The following RFNG variants were observed in gnomAD, a reference collection of about 807,000 sequenced individuals.
RFNG encodes the protein beta-1,3-N-acetylglucosaminyltransferase radical fringe.
Under a neutral mutation model 29.6 loss-of-function variants are expected in RFNG, and 37 were observed. The observed-to-expected ratio is 1.25, with a 90% CI of 0.96 to 1.65. The LOEUF is 1.65. Ranked by LOEUF, RFNG falls within the 40% of genes most tolerant of loss-of-function variation. The pLI, the probability that RFNG is intolerant of heterozygous loss-of-function variation, is 0.00. For synonymous variants in RFNG, 276 were observed against 197.3 expected (o/e 1.40, Z -3.34); for missense variants, 546 against 457.0 (o/e 1.19, Z -1.78).
At position 82,051,258 on chromosome 17, in the gene RFNG, A is replaced by C; in HGVS notation, c.316+36T>G. 7.4e-7 allele frequency: 1 copy of C among 1,345,730 alleles called. No individual in the cohort carries two copies. The highest frequency in any genetic ancestry group is 9.6e-7 in the Non-Finnish European group (1 of 1,045,712). 83.4% of individuals were successfully genotyped at this position (1,345,730 alleles called of 1,614,324 possible). On this transcript the variant is annotated intron_variant, in intron 2 of 7. Coordinates refer to ENST00000310496, the MANE Select transcript of RFNG (RefSeq NM_002917.2). The surrounding 1 kb of genome is among the most constrained non-coding windows in gnomAD (Gnocchi z 4.1). ...TCGGAGCGAGAAAGGCTCGGGGGGC[A>C]GATCCCGCGGGCGCCGGGGAGTGGG...
In RFNG at chr17:82,049,747, A is replaced by G; in HGVS notation, c.758T>C (p.Leu253Pro). Reference sequence around the variant, plus strand: ...GTGAGAGTGGAAGAGGGGGCTGTGCAGCAGGCGGGCGCCCAGGAGCCCCTC... The same window carrying G: ...GTGAGAGTGGAAGAGGGGGCTGTGCGGCAGGCGGGCGCCCAGGAGCCCCTC... ...IVEGLLGARL[L>P]HSPLFHSHLE... is the part of the protein sequence containing the mutation. The change falls in exon 6 of 8, where the codon CTG becomes CCG. Residue 253 changes from leucine (L) to proline (P), a missense_variant. Coordinates refer to ENST00000310496, the MANE Select transcript of RFNG (RefSeq NM_002917.2). 2.0e-6 allele frequency: 3 copies of G among 1,520,468 alleles called. No individual in the cohort carries two copies. The highest frequency in any genetic ancestry group is 2.3e-5 in the East Asian group (1 of 44,108). 94.2% of individuals were successfully genotyped at this position (1,520,468 alleles called of 1,614,324 possible). A position where few individuals can be genotyped will look rare whatever the true frequency, so the allele number is the denominator to read the frequency against.
At position 82,049,989 on chromosome 17, in the gene RFNG, G is replaced by A. The variant is rs536255282; in HGVS notation, c.591C>T (p.Phe197=). The A allele has an allele frequency of 1.2e-6, 2 of 1,611,660 alleles. No individual in the cohort carries two copies. Among genetic ancestry groups the A allele is most frequent in the South Asian group, 1.1e-5 (1 of 90,742 alleles). The change falls in exon 5 of 8, where the codon TTC becomes TTT. Residue 197 remains phenylalanine, a synonymous_variant. Transcript: ENST00000310496. The stretch of plus-strand genomic sequence containing the variant: ...ACCCGGCCCCACCAGTAGCAAACCA[G>A]AACTTGACCGTGGTCACCTGAAGAT... ...QGGRTVTTVK[F]WFATGGAGFC...
chr17:82,050,866 G>C, intron 2 of RFNG, 102 bp from the exon 3 acceptor site: 1 of 1,439,636 alleles, frequency 6.9e-7, no homozygotes, highest in Admixed American at 2.0e-5. Context: ...CAACGTGGCT[G>C]TCTGACATGC....
At position 82,051,088 on chromosome 17, in the gene RFNG, T is replaced by A. The variant is rs1046289141; in HGVS notation, c.316+206A>T. 7.3e-7 allele frequency: 1 copy of A among 1,366,812 alleles called. No homozygotes were observed. The highest frequency in any genetic ancestry group is 2.8e-5 in the East Asian group (1 of 35,482). The allele number at this position is 1,366,812 out of a possible 1,614,324, so 84.7% of individuals were successfully genotyped here. A position where few individuals can be genotyped will look rare whatever the true frequency, so the allele number is the denominator to read the frequency against. ...CTAGCCCCACGCCCCGGGAAGCGGC[T>A]AGTGTGAGAGGCTGGTGGGGAGCAG... On this transcript the variant is annotated intron_variant, in intron 2 of 7. Transcript: ENST00000310496. This position sits in a 1 kb window ranked among gnomAD's most constrained non-coding sequence, Gnocchi z 4.1.
chr17:82,049,621 G>A (rs1332883987), intron 6 of RFNG, 56 bp downstream of exon 6: 23 of 1,465,790 alleles, frequency 1.6e-5, no homozygotes, highest in Non-Finnish European at 2.0e-5. Flanking sequence ...GGCCCCTGGG[G>A]GAGTCAGGGC....
Position 82,049,387 on chromosome 17 carries a change from C to T in RFNG, c.829-271G>A, listed in dbSNP as rs552714358. 197 of 698,644 alleles carry T rather than the reference C, an allele frequency of 2.8e-4. 1 individual carries two copies. Among genetic ancestry groups the T allele is most frequent in the Non-Finnish European group, 1.2e-4 (45 of 383,236 alleles). 43.3% of individuals were successfully genotyped at this position (698,644 alleles called of 1,614,324 possible). ...CTGCTCCACGTGATGGGACCTGTTC[C>T]GACTCACCATCACCATACACACCAC... On this transcript the variant is annotated intron_variant, in intron 6 of 7. Coordinates refer to ENST00000310496, the MANE Select transcript of RFNG (RefSeq NM_002917.2).
chr17:82,049,090 C>T lies in RFNG; in HGVS notation c.855G>A (p.Glu285=). 6.2e-7 allele frequency: 1 copy of T among 1,613,512 alleles called. No homozygotes were observed. Among genetic ancestry groups the T allele is most frequent in the Non-Finnish European group, 8.5e-7 (1 of 1,179,848 alleles). Residue 285 remains glutamate (E), a synonymous_variant, in exon 7 of 8, where the codon GAG becomes GAA. Transcript: ENST00000310496. ...CCACGTTCACCACGTTATGTGGGTT[C>T]TCAGGACCCCCATGGCTCAAGGTAA... ...QQVTLSHGGP[E]NPHNVVNVAG...
At chr17:82,050,868 C>T in intron 2 of RFNG, 104 bp from the exon 3 acceptor site, 7 of 1,433,234 alleles carry the variant, frequency 4.9e-6, no homozygotes, top group Non-Finnish European at 5.7e-6. Flanking sequence ...ACGTGGCTGT[C>T]TGACATGCCT....
intron 4 of RFNG, 36 bp downstream of exon 4, chr17:82,050,366 G>C: frequency 6.5e-7 from 1 of 1,529,816 alleles, no homozygotes; most frequent in Non-Finnish European, 8.7e-7. Context: ...TGTCAAGGAA[G>C]GCGTCTGCTC....
chr17:82,050,363 G>T, intron 4 of RFNG, 39 bp downstream of exon 4: 1 of 1,529,256 alleles, frequency 6.5e-7, no homozygotes, highest in South Asian at 1.3e-5. Context: ...TGGTGTCAAG[G>T]AAGGCGTCTG....
In RFNG at chr17:82,051,239, C is replaced by T. The variant is rs1313484757; in HGVS notation, c.316+55G>A. 1.5e-6 allele frequency: 2 copies of T among 1,323,036 alleles called. No individual in the cohort carries two copies. The highest frequency in any genetic ancestry group is 1.5e-5 in the African/African-American group (1 of 65,674). 82.0% of individuals were successfully genotyped at this position (1,323,036 alleles called of 1,614,324 possible). ...CAGCGAAGGGGCCGTGGCTTCGGAG[C>T]GAGAAAGGCTCGGGGGGCAGATCCC... On this transcript the variant is annotated intron_variant, in intron 2 of 7. Coordinates refer to ENST00000310496, the MANE Select transcript of RFNG (RefSeq NM_002917.2). The surrounding 1 kb of genome is among the most constrained non-coding windows in gnomAD (Gnocchi z 4.1).
Position 82,051,515 on chromosome 17 carries a change from G to A in RFNG, c.252C>T (p.Ser84=). The A allele has an allele frequency of 7.2e-7, 1 of 1,394,340 alleles. No homozygotes were observed. The highest frequency in any genetic ancestry group is 9.3e-7 in the Non-Finnish European group (1 of 1,070,260). The allele number at this position is 1,394,340 out of a possible 1,614,324, so 86.4% of individuals were successfully genotyped here. A position where few individuals can be genotyped will look rare whatever the true frequency, so the allele number is the denominator to read the frequency against. ...RLRLLLRTWI[S]RARQQTFIFT... is the part of the protein sequence containing the mutation. ...TCCGGCGCACCTGCTGGCGGGCCCG[G>A]GAGATCCAGGTGCGCAGCAGCAGCC... Residue 84 remains serine (S), a synonymous_variant, in exon 1 of 8, where the codon TCC becomes TCT. Coordinates refer to ENST00000310496, the MANE Select transcript of RFNG (RefSeq NM_002917.2). The surrounding 1 kb of genome is among the most constrained non-coding windows in gnomAD (Gnocchi z 4.1).
At position 82,048,578 on chromosome 17, in the gene RFNG, G is replaced by A; in HGVS notation, c.*148C>T. ...AGCCCACCAGGGGCTGGGAGAGGGG[G>A]GGCTGCAGGCTAGCCAGAGGGTCTG... On this transcript the variant is annotated 3_prime_UTR_variant, in exon 8 of 8. Transcript: ENST00000310496. 3.0e-6 allele frequency: 2 copies of A among 667,404 alleles called. No individual in the cohort carries two copies. Among genetic ancestry groups the A allele is most frequent in the South Asian group, 1.7e-5 (1 of 60,360 alleles). The allele number at this position is 667,404 out of a possible 1,614,324, so 41.3% of individuals were successfully genotyped here. A position where few individuals can be genotyped will look rare whatever the true frequency, so the allele number is the denominator to read the frequency against.
At position 82,048,744 on chromosome 17, in the gene RFNG, G is replaced by A. The variant is rs756716735; in HGVS notation, c.978C>T (p.Gly326=). 30 of 1,612,876 alleles carry A rather than the reference G, an allele frequency of 1.9e-5. No individual in the cohort carries two copies. The highest frequency in any genetic ancestry group is 4.5e-5 in the East Asian group (2 of 44,898). ...GTTGGTGTCACCGAGAGGTCGGGGC[G>A]CCCTGTTTCTGCCTGGGACACCAGT... The part of the protein sequence containing the change: ...DTDWCPRQKQ[G]APTSR Residue 326 remains glycine (G), a synonymous_variant, in exon 8 of 8, where the codon GGC becomes GGT. Transcript: ENST00000310496.
intron 6 of RFNG, chr17:82,049,453 A>G (rs1366325352): frequency 2.8e-6 from 2 of 712,714 alleles, no homozygotes; most frequent in Non-Finnish European, 5.1e-6. Context: ...TGGCCCGAGA[A>G]CTGTGCTTCT....
At chr17:82,049,182 C>A (rs765370747) in intron 6 of RFNG, 66 bp from the exon 7 acceptor site, 2 of 1,336,866 alleles carry the variant, frequency 1.5e-6, no homozygotes. Context: ...CTGCCCCTGG[C>A]CAGGAGCCCT....
rs2030526272 is a variant in RFNG at position 82,051,297 on chromosome 17, C to T, written c.313G>A (p.Gly105Ser). 4 of 1,415,546 alleles carry T rather than the reference C, an allele frequency of 2.8e-6. 1 individual carries two copies. The South Asian group carries it at 5.4e-5, about 19-fold the overall frequency. 87.7% of individuals were successfully genotyped at this position (1,415,546 alleles called of 1,614,324 possible). The change falls in exon 2 of 8, where the codon GGC (glycine) becomes AGC (serine). Residue 105 changes from glycine (G) to serine (S), a missense_variant. Transcript: ENST00000310496. This position sits in a 1 kb window ranked among gnomAD's most constrained non-coding sequence, Gnocchi z 4.1. ...CCGGGGAGTGGGGGACACTCACCGC[C>T]CTGGAGCTCGAGCTCAGGGTCGTCC... The part of the protein sequence containing the change: ...DGDDPELELQ[G>S]GDRVINTNCS...
intron 4 of RFNG, 69 bp downstream of exon 4, chr17:82,050,333 C>T (rs2030294897): frequency 6.7e-7 from 1 of 1,493,772 alleles, no homozygotes; most frequent in Non-Finnish European, 8.9e-7. Flanking sequence ...TTTCCACGCC[C>T]TCTGCTGTGC....
At chr17:82,048,897 G>C in intron 7 of RFNG, 90 bp from the exon 8 acceptor site, 1 of 1,448,610 alleles carries the variant, frequency 6.9e-7, no homozygotes, top group Non-Finnish European at 9.7e-7. Context: ...TGGGGTCAGG[G>C]CCGTGGGTAC....
Sources: gnomAD v4.1 joint callset for allele counts on GRCh38, gnomAD v4.1.1 for gene constraint, Gnocchi (gnomAD v3.1) non-coding constraint, MANE v1.5 for transcripts, NCBI Gene and HGNC (gene_info 2026-07-23, HGNC 2026-07-21) for gene names.